Variants in SPATA31C1 observed in about 807,000 individuals in gnomAD.
SPATA31C1 encodes the protein SPATA31 subfamily C member 1.
intron 1 of SPATA31C1, among the ~76,000 whole-genome samples, chr9:87,915,569 G>T (rs1346949821): frequency 6.3e-5 from 9 of 143,970 alleles, no homozygotes; most frequent in Admixed American, 1.4e-4. Context: ...CCAAAGTGCT[G>T]GGATTACAGG....
chr9:87,922,273 A>T, exon 5 of SPATA31C1: 2 of 1,612,650 alleles, frequency 1.2e-6, no homozygotes, highest in South Asian at 2.2e-5. Context: ...AGCACCCAGC[A>T]GAGCAGGAGC....
chr9:87,920,852 C>T, exon 5 of SPATA31C1: 2 of 1,613,640 alleles, frequency 1.2e-6, no homozygotes, highest in Non-Finnish European at 1.7e-6. Context: ...ATCATCTTTC[C>T]CGCCAAAGGG....
chr9:87,922,529 G>A, exon 5 of SPATA31C1: 1 of 1,610,870 alleles, frequency 6.2e-7, no homozygotes, highest in Non-Finnish European at 8.5e-7. Context: ...CGAAGTCAGA[G>A]ACCCAGCCTC....
chr9:87,920,903 G>T (rs1486858719), exon 5 of SPATA31C1: 2 of 1,613,108 alleles, frequency 1.2e-6, no homozygotes, highest in African/African-American at 2.7e-5. Flanking sequence ...CCCAGCCCCT[G>T]TCCCATCTGG....
chr9:87,920,844 C>T (rs1263101229), exon 5 of SPATA31C1: 5 of 1,613,672 alleles, frequency 3.1e-6, no homozygotes, highest in Non-Finnish European at 4.2e-6. Context: ...CCAGCAAGAT[C>T]ATCTTTCCCG....
intron 2 of SPATA31C1, chr9:87,919,289 A>G (rs1828787220): frequency 6.3e-7 from 1 of 1,594,108 alleles, no homozygotes; most frequent in East Asian, 2.7e-5. Flanking sequence ...CTTGTCTCCC[A>G]GTGTCCAACA....
rs779319350 is a variant in SPATA31C1, at chr9:87,922,019, C to G, written n.2409C>G. The stretch of plus-strand genomic sequence containing the variant: ...CAGACACCTGCGAATCTGGGGCTGG[C>G]TCAAAAGTTGAGGTGGCCACGCTCC... On this transcript the variant is annotated non_coding_transcript_exon_variant, in exon 5 of 5. Transcript: ENST00000420021. 19 of 1,613,750 alleles carry G rather than the reference C, an allele frequency of 1.2e-5. No homozygotes were observed. In the South Asian group the frequency reaches 2.1e-4, roughly 18 times the overall value.
At chr9:87,922,247 A>G (rs1176840671) in exon 5 of SPATA31C1, 2 of 1,613,106 alleles carry the variant, frequency 1.2e-6, no homozygotes, top group African/African-American at 1.3e-5. Flanking sequence ...AGCCCCTCAC[A>G]TACAGCCTCA....
chr9:87,916,698 C>T (rs1342126109), intron 1 of SPATA31C1, among the ~76,000 whole-genome samples: 15 of 128,142 alleles, frequency 1.2e-4, no homozygotes, highest in African/African-American at 3.8e-4. Context: ...CCCAGAGAGA[C>T]ATTAAAATAA....
intron 1 of SPATA31C1, among the ~76,000 whole-genome samples, chr9:87,916,724 A>ATG (rs1828730030): frequency 1.2e-4 from 13 of 108,084 alleles, no homozygotes; most frequent in South Asian, 3.7e-4. Flanking sequence ...CAGGCCCGGC[A>ATG]CGGTGGCTCA....
At chr9:87,920,846 T>G in exon 5 of SPATA31C1, 1 of 1,613,656 alleles carries the variant, frequency 6.2e-7, no homozygotes, top group Non-Finnish European at 8.5e-7. Flanking sequence ...AGCAAGATCA[T>G]CTTTCCCGCC....
chr9:87,920,516 TCTC>T, exon 5 of SPATA31C1: 1 of 1,613,504 alleles, frequency 6.2e-7, no homozygotes, highest in South Asian at 1.1e-5. Context: ...AACCTTCCCT[TCTC>T]CTAGAACGCC....
At chr9:87,920,979 G>C (rs187609223) in exon 5 of SPATA31C1, 3 of 1,612,866 alleles carry the variant, frequency 1.9e-6, no homozygotes, top group Non-Finnish European at 2.5e-6. Flanking sequence ...GGCTCAGGCC[G>C]AGGCTCAGGC....
exon 5 of SPATA31C1, chr9:87,922,460 C>A (rs533568831): frequency 1.9e-6 from 3 of 1,610,514 alleles, no homozygotes; most frequent in Non-Finnish European, 2.5e-6. Context: ...TCTCCCAAGA[C>A]CCAAGAAAGC....
chr9:87,919,978 T>TCC lies in SPATA31C1; in HGVS notation n.641+2_641+3insCC, dbSNP rs1264930206. On this transcript the variant is annotated splice_region_variant and intron_variant and non_coding_transcript_variant, in intron 4 of 4. Transcript: ENST00000420021. ...GGACCTGCTTTCACAACTGCAGAGG[T>TCC]GAGGCACTTCCCCTTCCCTGCATCC... 6.2e-7 allele frequency: 1 copy of TCC among 1,607,804 alleles called. No homozygotes were observed. Among genetic ancestry groups the TCC allele is most frequent in the African/African-American group, 1.3e-5 (1 of 74,736 alleles).
At chr9:87,919,311 G>A (rs1828788783) in exon 3 of SPATA31C1, 1 of 1,468,438 alleles carries the variant, frequency 6.8e-7, no homozygotes, top group Non-Finnish European at 9.0e-7. Flanking sequence ...GGCGGAGGGG[G>A]AGGCCCAGAG....
At position 87,922,052 on chromosome 9, in the gene SPATA31C1, G is replaced by A. The variant is rs193191680; in HGVS notation, n.2442G>A. ...TTGAGGTGGCCACGCTCCTTGGAGA[G>A]CCACCAATGGCAAGTCTGAGAAAGC... is the stretch of plus-strand genomic sequence containing the variant. On this transcript the variant is annotated non_coding_transcript_exon_variant, in exon 5 of 5. Coordinates refer to ENST00000420021, the Ensembl canonical transcript of SPATA31C1. 5.8e-4 allele frequency: 940 copies of A among 1,613,966 alleles called. 4 individuals are homozygous for A. In the African/African-American group the frequency reaches 0.011, roughly 19 times the overall value.
At chr9:87,916,318 T>A (rs1356898697) in intron 1 of SPATA31C1, among the ~76,000 whole-genome samples, 151 of 145,102 alleles carry the variant, frequency 1.0e-3, no homozygotes, top group Non-Finnish European at 1.7e-3. Context: ...ATTCTTCAGG[T>A]CCTAGGACTT....
Position 87,919,345 on chromosome 9 carries a change from A to C in SPATA31C1, n.577A>C, listed in dbSNP as rs759693741. On this transcript the variant is annotated non_coding_transcript_exon_variant, in exon 3 of 5. Coordinates refer to ENST00000420021, the Ensembl canonical transcript of SPATA31C1. ...AGGCAGGATGAAAAACCACAGTCTG[A>C]GAGGTAAGGCTCTGCCAGGGCACAC... 15 of 1,602,502 alleles carry C rather than the reference A, an allele frequency of 9.4e-6. No homozygotes were observed. The South Asian group carries it at 1.5e-4, about 16-fold the overall frequency.
Sources: gnomAD v4.1 joint callset for allele counts (sites outside exome capture counted in the v4.1 genomes callset) on GRCh38, gnomAD v4.1.1 for gene constraint, MANE v1.5 for transcripts, NCBI Gene and HGNC (gene_info 2026-07-23, HGNC 2026-07-21) for gene names.